Variants in LRP1 observed in about 807,000 individuals in gnomAD.
LRP1 encodes the protein prolow-density lipoprotein receptor-related protein 1.
In LRP1, 51 loss-of-function variants were observed where a neutral mutation model predicts 541.5. That is an observed-to-expected ratio of 0.09 (90% CI 0.08 to 0.12). The LOEUF (loss-of-function observed/expected upper bound fraction) is 0.12, where lower values mean the gene tolerates loss of function less well. LRP1 is among the 10% of genes least tolerant of loss of function. The pLI is 1.00. For missense variants in LRP1, 3,878 were observed against 6,376.2 expected (o/e 0.61, Z 13.34); for synonymous variants, 2,219 against 2,470.8 (o/e 0.90, Z 3.02).
In LRP1 at chr12:57,211,668, A is replaced by AGGGGGGGGGGGGGGGG; in HGVS notation, c.13193+81_13194-80insGGGGGGGGGGGGGGGG. 1 of 1,552,992 alleles carries AGGGGGGGGGGGGGGGG rather than the reference A, an allele frequency of 6.4e-7. No homozygotes were observed. Among genetic ancestry groups the AGGGGGGGGGGGGGGGG allele is most frequent in the Non-Finnish European group, 8.9e-7 (1 of 1,126,282 alleles). On this transcript the variant is annotated intron_variant, in intron 85 of 88. Transcript: ENST00000243077. This position sits in a 1 kb window ranked among gnomAD's most constrained non-coding sequence, Gnocchi z 4.3. ...TTGAGCAGGAGGACCGTCAGGCCTCAGTGCCCACCCCCCGCCCTGTTTTCC... is the reference window on the plus strand; with the variant it reads ...TTGAGCAGGAGGACCGTCAGGCCTCAGGGGGGGGGGGGGGGGGTGCCCACCCCCCGCCCTGTTTTCC...
In LRP1 at chr12:57,210,156, G is replaced by A. The variant is rs374957759; in HGVS notation, c.12567G>A (p.Thr4189=). The A allele has an allele frequency of 2.9e-5, 46 of 1,598,268 alleles. 1 individual carries two copies. The South Asian group carries it at 3.8e-4, about 13-fold the overall frequency. The change falls in exon 81 of 89, where the codon ACG becomes ACA. Residue 4189 remains threonine (T), a synonymous_variant. Transcript: ENST00000243077. The stretch of plus-strand genomic sequence containing the variant: ...CATGCGTGCCTGTGCCCTCTCCAAC[G>A]CCCCCCCCAGATGGTATGCTTATGC... ...NGTCVPVPSP[T]PPPDAPRPGT... is the part of the protein sequence containing the mutation.
chr12:57,199,874 C>T lies in LRP1; in HGVS notation c.9866-3C>T, dbSNP rs748482909. The stretch of plus-strand genomic sequence containing the variant: ...CCATATTTCACGACGTTTTCTCTGG[C>T]AGTGCCCAATCACCCCTGCAAGGTC... On this transcript the variant is annotated splice_region_variant and splice_polypyrimidine_tract_variant and intron_variant, in intron 61 of 88. Transcript: ENST00000243077. The T allele has an allele frequency of 1.9e-6, 3 of 1,582,586 alleles. No individual in the cohort carries two copies. The highest frequency in any genetic ancestry group is 2.3e-5 in the East Asian group (1 of 43,470).
chr12:57,207,114 G>A (rs2036796599), intron 76 of LRP1, among the ~76,000 whole-genome samples: 1 of 151,980 alleles, frequency 6.6e-6, no homozygotes, highest in Admixed American at 6.6e-5. Flanking sequence ...ATGGTGGCGG[G>A]CGCCTGTAGT....
Position 57,183,717 on chromosome 12 carries a change from A to AC in LRP1, c.5795-54dup. On this transcript the variant is annotated intron_variant, in intron 35 of 88. Coordinates refer to ENST00000243077, the MANE Select transcript of LRP1 (RefSeq NM_002332.3). The surrounding 1 kb of genome is among the most constrained non-coding windows in gnomAD (Gnocchi z 6.1). ...CTGTCTTGAGCCTTGTGAGATTTTGACCCCTCACCTTACCCCTGCCTTATT... is the reference window on the plus strand; with the variant it reads ...CTGTCTTGAGCCTTGTGAGATTTTGACCCCCTCACCTTACCCCTGCCTTATT... The AC allele has an allele frequency of 6.2e-7, 1 of 1,603,804 alleles. No individual in the cohort carries two copies. The highest frequency in any genetic ancestry group is 8.5e-7 in the Non-Finnish European group (1 of 1,175,758).
At chr12:57,139,649 G>A (rs1021760802) in intron 2 of LRP1, among the ~76,000 whole-genome samples, 1 of 151,900 alleles carries the variant, frequency 6.6e-6, no homozygotes, top group South Asian at 2.1e-4. Context: ...ATACCCCCCG[G>A]ACTCATAACA....
chr12:57,178,982 C>A lies in LRP1; in HGVS notation c.4699C>A (p.His1567Asn). 1 of 1,614,164 alleles carries A rather than the reference C, an allele frequency of 6.2e-7. No individual in the cohort carries two copies. Among genetic ancestry groups the A allele is most frequent in the Non-Finnish European group, 8.5e-7 (1 of 1,180,014 alleles). Residue 1567 changes from histidine to asparagine, a missense_variant, in exon 28 of 89, where the codon CAC becomes AAC. Coordinates refer to ENST00000243077, the MANE Select transcript of LRP1 (RefSeq NM_002332.3). The surrounding 1 kb of genome is among the most constrained non-coding windows in gnomAD (Gnocchi z 5.8). Reference sequence around the variant, plus strand: ...CCGGACCGTGTCCTGCGCCTGCCCCCACCTCATGAAGCTCCACAAGGACAA... The same window carrying A: ...CCGGACCGTGTCCTGCGCCTGCCCCAACCTCATGAAGCTCCACAAGGACAA... Reference protein sequence around the residue: ...YNRTVSCACPHLMKLHKDNTT... With the variant: ...YNRTVSCACPNLMKLHKDNTT...
In LRP1 at chr12:57,145,208, T is replaced by C; in HGVS notation, c.578-19T>C. 1 of 1,613,978 alleles carries C rather than the reference T, an allele frequency of 6.2e-7. No individual in the cohort carries two copies. The highest frequency in any genetic ancestry group is 8.5e-7 in the Non-Finnish European group (1 of 1,179,900). The stretch of plus-strand genomic sequence containing the variant: ...CCTAGAGCCCTGGCTGCACGGACTC[T>C]TCTCTTCCCCATTCCCAGAGCCAGT... On this transcript the variant is annotated intron_variant, in intron 5 of 88. Transcript: ENST00000243077.
chr12:57,147,689 G>C (rs2035442053), intron 6 of LRP1: 1 of 152,224 alleles, frequency 6.6e-6, no homozygotes, highest in Non-Finnish European at 1.5e-5. Flanking sequence ...GCAGGCAGAA[G>C]GGGGAGCCTG....
intron 76 of LRP1, among the ~76,000 whole-genome samples, chr12:57,207,454 C>A (rs1162801504): frequency 6.6e-6 from 1 of 151,634 alleles, no homozygotes; most frequent in Non-Finnish European, 1.5e-5. Flanking sequence ...GAGCCGAGTG[C>A]CACTCGGTTG....
rs77826102 is a variant in LRP1 at position 57,150,708 on chromosome 12, T to C, written c.842-3500T>C. ...GACATGGTGGGAACCGCAGCCCCCATGTGGGGAGTGTTTATCATGCACCAG... is the reference window on the plus strand; with the variant it reads ...GACATGGTGGGAACCGCAGCCCCCACGTGGGGAGTGTTTATCATGCACCAG... On this transcript the variant is annotated intron_variant, in intron 6 of 88. Transcript: ENST00000243077. Among the ~76,000 whole-genome samples the C allele has an allele frequency of 9.4e-3, 1,438 of 152,226 alleles. 15 individuals are homozygous for C. Among genetic ancestry groups the C allele is most frequent in the African/African-American group, 0.033 (1,382 of 41,540 alleles).
intron 76 of LRP1, 45 bp from the exon 77 acceptor site, chr12:57,207,993 C>T (rs771276638): frequency 1.9e-6 from 3 of 1,593,478 alleles, no homozygotes; most frequent in Non-Finnish European, 2.6e-6. Context: ...GGGATAATGG[C>T]AGGAAGACAA....
chr12:57,141,667 C>T (rs979126745), intron 3 of LRP1, among the ~76,000 whole-genome samples, 156 bp downstream of exon 3: 1 of 152,232 alleles, frequency 6.6e-6, no homozygotes, highest in Admixed American at 6.5e-5. Flanking sequence ...TGATGTGCCC[C>T]TTGGGCCTGG....
rs942154383 is a variant in LRP1, at chr12:57,156,490, A to G, written c.1417+207A>G. 6.6e-6 allele frequency among the ~76,000 whole-genome samples: 1 copy of G among 152,068 alleles called. No homozygotes were observed. Among genetic ancestry groups the G allele is most frequent in the African/African-American group, 2.4e-5 (1 of 41,408 alleles). On this transcript the variant is annotated intron_variant, in intron 9 of 88. Transcript: ENST00000243077. The surrounding 1 kb of genome is among the most constrained non-coding windows in gnomAD (Gnocchi z 5.2). ...CCCCATCCACCCACTCAGCCTCCAG[A>G]TCCCACTCTGTCCCTCCCATTCCCC... is the stretch of plus-strand genomic sequence containing the variant.
Position 57,177,258 on chromosome 12 carries a change from C to G in LRP1, c.4196+13C>G. 6.2e-7 allele frequency: 1 copy of G among 1,612,202 alleles called. No homozygotes were observed. The highest frequency in any genetic ancestry group is 8.5e-7 in the Non-Finnish European group (1 of 1,178,522). On this transcript the variant is annotated intron_variant, in intron 25 of 88. Coordinates refer to ENST00000243077, the MANE Select transcript of LRP1 (RefSeq NM_002332.3). This position sits in a 1 kb window ranked among gnomAD's most constrained non-coding sequence, Gnocchi z 6.8. ...ATCCCCGGGATGGGTGAGGACCTTG[C>G]CCAGCCTTCTCCTGGCCCCATGGCC... is the stretch of plus-strand genomic sequence containing the variant.
chr12:57,212,077 C>A lies in LRP1; in HGVS notation c.13350-40C>A, dbSNP rs779994729. 6.2e-6 allele frequency: 10 copies of A among 1,613,048 alleles called. No individual in the cohort carries two copies. The African/African-American group carries it at 8.0e-5, about 13-fold the overall frequency. On this transcript the variant is annotated intron_variant, in intron 87 of 88. Transcript: ENST00000243077. This position sits in a 1 kb window ranked among gnomAD's most constrained non-coding sequence, Gnocchi z 5.0. ...TATTTTGCCATCCTAGCCTTCCCCC[C>A]CAATAATCTCTGTCTCCTTATACTC...
chr12:57,196,354 A>C (rs1565747902), intron 55 of LRP1, 77 bp downstream of exon 55: 3 of 1,324,318 alleles, frequency 2.3e-6, no homozygotes, highest in Admixed American at 2.6e-5. Context: ...TTATTCATTC[A>C]TTCATCCCCT....
At chr12:57,194,954 C>T (rs2036497793) in intron 50 of LRP1, 31 bp from the exon 51 acceptor site, 1 of 1,569,492 alleles carries the variant, frequency 6.4e-7, no homozygotes, top group Admixed American at 1.7e-5. Flanking sequence ...CCCACCCTTC[C>T]CCATCTAACT....
rs774213196 is a variant in LRP1 at position 57,201,519 on chromosome 12, C to G, written c.10368C>G (p.Asn3456Lys). 1 of 1,613,660 alleles carries G rather than the reference C, an allele frequency of 6.2e-7. No individual in the cohort carries two copies. Among genetic ancestry groups the G allele is most frequent in the Non-Finnish European group, 8.5e-7 (1 of 1,179,774 alleles). The change falls in exon 66 of 89, where the codon AAC (asparagine) becomes AAG (lysine). Residue 3456 changes from asparagine (N) to lysine (K), a missense_variant. Asn to Lys is a moderately conservative substitution (Grantham distance 94). Around this residue, in one of 13 missense-constraint regions of LRP1, gnomAD observed 278 missense variants for 536.3 expected, o/e 0.52. Coordinates refer to ENST00000243077, the MANE Select transcript of LRP1 (RefSeq NM_002332.3). This position sits in a 1 kb window ranked among gnomAD's most constrained non-coding sequence, Gnocchi z 6.4. ...CAGCCGAGGTGACCTGCGCCCCCAA[C>G]CAGTTCCAGTGCTCCATTACCAAAC... ...RDCPEVTCAP[N>K]QFQCSITKRC...
In LRP1 at chr12:57,204,580, C is replaced by T. The variant is rs781455737; in HGVS notation, c.11072-47C>T. The T allele has an allele frequency of 1.9e-6, 3 of 1,609,926 alleles. No homozygotes were observed. In the South Asian group the frequency reaches 3.3e-5, roughly 18 times the overall value. ...GCTTCCCAGTGGCCAGCAACCACCC[C>T]CACTCCCAAGACTAATTCTGGCTCT... On this transcript the variant is annotated intron_variant, in intron 71 of 88. Transcript: ENST00000243077. This position sits in a 1 kb window ranked among gnomAD's most constrained non-coding sequence, Gnocchi z 5.3.
Sources: allele counts gnomAD v4.1 joint callset (sites outside exome capture counted in the v4.1 genomes callset), GRCh38; gene constraint gnomAD v4.1.1; regional missense constraint gnomAD v4.1.1; non-coding constraint Gnocchi (gnomAD v3.1); transcripts MANE v1.5; gene names NCBI Gene and HGNC (gene_info 2026-07-23, HGNC 2026-07-21).